Variants in CCM2 observed in about 807,000 individuals in gnomAD.
CCM2 encodes CCM2 scaffold protein, also known as cerebral cavernous malformations 2 protein.
A neutral mutation model predicts 44.9 loss-of-function variants in CCM2; 25 were observed. The ratio of observed to expected loss-of-function variants is 0.56; its 90% CI spans 0.41 to 0.78. CCM2 has a LOEUF of 0.78. Ranked by LOEUF, CCM2 falls within the 30% of genes least tolerant of loss-of-function variation. The pLI, the probability that CCM2 is intolerant of heterozygous loss-of-function variation, is 0.00. For missense variants in CCM2, 481 were observed against 580.6 expected, an observed-to-expected ratio of 0.83 and a Z score of 1.76; for synonymous variants, 219 against 241.1, an observed-to-expected ratio of 0.91 and a Z score of 0.85.
chr7:45,033,725 TC>T (rs1446145040), intron 1 of CCM2, among the ~76,000 whole-genome samples: 2 of 152,106 alleles, frequency 1.3e-5, no homozygotes, highest in African/African-American at 4.8e-5. Flanking sequence ...TTCCATAACC[TC>T]CAGGCCAGGG....
intron 2 of CCM2, among the ~76,000 whole-genome samples, chr7:45,061,866 C>CT (rs1467029923): frequency 2.6e-5 from 4 of 152,190 alleles, no homozygotes; most frequent in Non-Finnish European, 4.4e-5. Flanking sequence ...CCCTGAGAGC[C>CT]TGGTGGGGCT....
At chr7:45,065,611 C>T (rs3735488) in intron 4 of CCM2, among the ~76,000 whole-genome samples, 20,063 of 152,204 alleles carry the variant, frequency 0.13, 1,633 homozygotes, top group Admixed American at 0.2. Flanking sequence ...AGCTTGAGTG[C>T]GCTCTTGAGA....
rs552536548 is a variant in CCM2 at position 45,006,258 on chromosome 7, A to G, written c.30+5895A>G. On this transcript the variant is annotated intron_variant, in intron 1 of 9. Coordinates refer to ENST00000258781, the MANE Select transcript of CCM2 (RefSeq NM_031443.4). ...TGCTTCCTGCCTGTGTGGGCCGAAT[A>G]GTGTCCCCTCAGAGTCATGTGCTGA... 3.3e-5 allele frequency among the ~76,000 whole-genome samples: 5 copies of G among 152,094 alleles called. No individual in the cohort carries two copies. The South Asian group carries it at 1.0e-3, about 32-fold the overall frequency.
rs1463687863 is a variant in CCM2, at chr7:45,030,799, C to T, written c.31-7454C>T. Among the ~76,000 whole-genome samples, 3 of 152,182 alleles carry T rather than the reference C, an allele frequency of 2.0e-5. No homozygotes were observed. The East Asian group carries it at 5.8e-4, about 29-fold the overall frequency. On this transcript the variant is annotated intron_variant, in intron 1 of 9. Coordinates refer to ENST00000258781, the MANE Select transcript of CCM2 (RefSeq NM_031443.4). The stretch of plus-strand genomic sequence containing the variant: ...AGTGCAGTGGCGTGATCTTGGCTTA[C>T]TGCAACTGCTACCTCCCAGGTTCAA...
intron 4 of CCM2, chr7:45,067,694 C>T (rs1369983593): frequency 1.3e-5 from 2 of 153,094 alleles, no homozygotes; most frequent in Non-Finnish European, 2.9e-5. Flanking sequence ...CCAGGAGTCT[C>T]ACTGTGGGGT....
At chr7:45,065,097 G>T (rs1205298541) in intron 4 of CCM2, among the ~76,000 whole-genome samples, 1 of 151,968 alleles carries the variant, frequency 6.6e-6, no homozygotes, top group African/African-American at 2.4e-5. Context: ...GGAGCTCTTG[G>T]TCATAGAGGT....
At chr7:45,020,966 G>C (rs1796458891) in intron 1 of CCM2, among the ~76,000 whole-genome samples, 1 of 152,206 alleles carries the variant, frequency 6.6e-6, no homozygotes, top group Admixed American at 6.5e-5. Context: ...AGTGCCCACT[G>C]TGTAAAGAGC....
chr7:45,055,516 G>A (rs937981197), intron 2 of CCM2, among the ~76,000 whole-genome samples: 5 of 152,192 alleles, frequency 3.3e-5, no homozygotes, highest in Non-Finnish European at 5.9e-5. Flanking sequence ...GTGAAACCCC[G>A]TCTCTACTAA....
intron 2 of CCM2, among the ~76,000 whole-genome samples, chr7:45,051,847 C>G (rs377374038): frequency 6.7e-6 from 1 of 149,344 alleles, no homozygotes; most frequent in Admixed American, 6.7e-5. Flanking sequence ...AGGCATGAGC[C>G]ACTGCGCCCG....
chr7:45,045,436 TATATC>T (rs1488395878), intron 2 of CCM2, among the ~76,000 whole-genome samples: 17 of 152,228 alleles, frequency 1.1e-4, no homozygotes, highest in African/African-American at 3.9e-4. Flanking sequence ...ATCACATAAT[TATATC>T]AATCAGTGGC....
At chr7:45,041,866 A>C (rs1445628317) in intron 2 of CCM2, among the ~76,000 whole-genome samples, 2 of 152,188 alleles carry the variant, frequency 1.3e-5, no homozygotes, top group Non-Finnish European at 2.9e-5. Context: ...CCAGGGAAGA[A>C]TCAGTGGAAG....
At chr7:45,004,218 A>G (rs1324208709) in intron 1 of CCM2, among the ~76,000 whole-genome samples, 1 of 152,178 alleles carries the variant, frequency 6.6e-6, no homozygotes, top group Non-Finnish European at 1.5e-5. Flanking sequence ...GAAATGTAGG[A>G]CTAGATATTA....
chr7:45,075,944 A>C lies in CCM2; in HGVS notation c.1222A>C (p.Ser408Arg). Residue 408 changes from serine (S) to arginine (R), a missense_variant, in exon 10 of 10, where the codon AGC (serine) becomes CGC (arginine). Ser to Arg is a moderately radical substitution (Grantham distance 110). Transcript: ENST00000258781. ...STTNGNRATGSSDDRSAPSEG... is the reference protein window; with the variant it reads ...STTNGNRATGRSDDRSAPSEG... ...CACCAATGGGAACAGGGCCACGGGC[A>C]GCTCTGATGACCGGTCGGCACCCTC... 2 of 1,613,206 alleles carry C rather than the reference A, an allele frequency of 1.2e-6. No homozygotes were observed. The highest frequency in any genetic ancestry group is 1.7e-6 in the Non-Finnish European group (2 of 1,180,026).
intron 1 of CCM2, among the ~76,000 whole-genome samples, chr7:45,019,052 G>A (rs556021568): frequency 2.1e-5 from 3 of 144,744 alleles, no homozygotes; most frequent in African/African-American, 7.8e-5. Context: ...GAGCCACTGC[G>A]CCTGGCCTTT....
intron 2 of CCM2, among the ~76,000 whole-genome samples, chr7:45,060,363 C>T (rs767422522): frequency 1.3e-5 from 2 of 152,118 alleles, no homozygotes; most frequent in Admixed American, 6.5e-5. Flanking sequence ...AAGAGAGAAT[C>T]TTCCTTTCTA....
intron 1 of CCM2, among the ~76,000 whole-genome samples, chr7:45,006,788 C>T (rs938869162): frequency 6.6e-6 from 1 of 152,214 alleles, no homozygotes; most frequent in Non-Finnish European, 1.5e-5. Context: ...AGGCAGCCAT[C>T]TGCAAGCCAA....
chr7:45,071,803 C>G (rs1176274295), intron 6 of CCM2: 2 of 456,656 alleles, frequency 4.4e-6, no homozygotes, highest in Non-Finnish European at 8.8e-6. Context: ...TCAGCTTCCT[C>G]TGCATTTCAG....
intron 2 of CCM2, among the ~76,000 whole-genome samples, chr7:45,062,928 C>T (rs996024379): frequency 2.6e-5 from 4 of 151,624 alleles, no homozygotes; most frequent in African/African-American, 9.7e-5. Context: ...TATCCCAGGG[C>T]GAAAGGTGGA....
chr7:45,073,963 G>C, intron 8 of CCM2: 1 of 544,046 alleles, frequency 1.8e-6, no homozygotes, highest in Non-Finnish European at 3.3e-6. Flanking sequence ...TAAGGGCACA[G>C]GCATTGGCCC....
Sources: allele counts gnomAD v4.1 joint callset (sites outside exome capture counted in the v4.1 genomes callset), GRCh38; gene constraint gnomAD v4.1.1; transcripts MANE v1.5; gene names NCBI Gene and HGNC (gene_info 2026-07-23, HGNC 2026-07-21).